The following PIAS1 variants were observed in gnomAD, a reference collection of about 807,000 sequenced individuals.
The protein encoded by PIAS1 is protein inhibitor of activated STAT 1, also known as E3 SUMO-protein ligase PIAS1.
A neutral mutation model predicts 71.3 loss-of-function variants in PIAS1; 6 were observed. That is an observed-to-expected ratio of 0.08 (90% CI 0.05 to 0.17). PIAS1 has a LOEUF of 0.17. Among genes scored for constraint, PIAS1 ranks in the 10% least tolerant of loss-of-function variants. The probability of loss-of-function intolerance (pLI) is 1.00; values close to 1 mark genes in which losing one functional copy is unlikely to be tolerated. For missense variants in PIAS1, 555 were observed against 793.6 expected (o/e 0.70, Z 3.61); for synonymous variants, 303 against 292.9 (o/e 1.03, Z -0.35).
intron 2 of PIAS1, among the ~76,000 whole-genome samples, chr15:68,097,070 A>G (rs2092381944): frequency 6.6e-6 from 1 of 152,266 alleles, no homozygotes; most frequent in African/African-American, 2.4e-5. Context: ...TTATGTTGAG[A>G]TAGTTTCCTT....
At position 68,078,809 on chromosome 15, in the gene PIAS1, T is replaced by G. The variant is rs192642149; in HGVS notation, c.25-7497T>G. On this transcript the variant is annotated intron_variant, in intron 1 of 13. Coordinates refer to ENST00000249636, the MANE Select transcript of PIAS1 (RefSeq NM_016166.3). ...TATAATTAGTATGTTACTGGTACAT[T>G]ATAAGTATTTAATACATATTATGTT... 2.3e-3 allele frequency among the ~76,000 whole-genome samples: 353 copies of G among 152,348 alleles called. 2 individuals are homozygous for G. The highest frequency in any genetic ancestry group is 0.013 in the South Asian group (64 of 4,828).
chr15:68,075,447 A>T (rs771329243), intron 1 of PIAS1, among the ~76,000 whole-genome samples: 7 of 152,198 alleles, frequency 4.6e-5, no homozygotes, highest in Admixed American at 1.3e-4. Flanking sequence ...ACTTTAAATC[A>T]TAAAACTTAA....
At chr15:68,120,272 A>C (rs956625333) in intron 2 of PIAS1, among the ~76,000 whole-genome samples, 1 of 152,016 alleles carries the variant, frequency 6.6e-6, no homozygotes, top group African/African-American at 2.4e-5. Context: ...CATATCTGCC[A>C]GTCTGATAAT....
intron 2 of PIAS1, among the ~76,000 whole-genome samples, chr15:68,098,165 T>G (rs2092392650): frequency 1.3e-5 from 2 of 152,190 alleles, no homozygotes; most frequent in African/African-American, 4.8e-5. Flanking sequence ...ACATGTAACT[T>G]TTGACTCCTC....
intron 6 of PIAS1, 34 bp from the exon 7 acceptor site, chr15:68,153,556 A>C (rs768632430): frequency 1.6e-5 from 15 of 941,564 alleles, no homozygotes; most frequent in Non-Finnish European, 2.4e-5. Context: ...TTACTTACAT[A>C]TGTTGTTTGT....
intron 2 of PIAS1, among the ~76,000 whole-genome samples, chr15:68,088,198 A>ATATATATATATATATC (rs1567035777): frequency 1.4e-5 from 2 of 143,418 alleles, no homozygotes; most frequent in South Asian, 2.2e-4. Context: ...ATATATATAT[A>ATATATATATATATATC]TATCCCATTT....
rs547827913 is a variant in PIAS1, at chr15:68,073,085, G to A, written c.25-13221G>A. 3.8e-3 allele frequency among the ~76,000 whole-genome samples: 576 copies of A among 152,052 alleles called. 3 individuals are homozygous for A. Among genetic ancestry groups the A allele is most frequent in the African/African-American group, 0.012 (495 of 41,478 alleles). ...GGCTGGAGTGCAGTGGCGCAATCTC[G>A]GCCCACTGCAACCTCCGCCTCCTGG... On this transcript the variant is annotated intron_variant, in intron 1 of 13. Coordinates refer to ENST00000249636, the MANE Select transcript of PIAS1 (RefSeq NM_016166.3).
chr15:68,181,232 A>C lies in PIAS1; in HGVS notation c.1502A>C (p.Gln501Pro). Reference sequence around the variant, plus strand: ...TCCAGCATTTTAAGTCTTCCACATCAAGCATCTCCAGTATCCCGCACCCCA... The same window carrying C: ...TCCAGCATTTTAAGTCTTCCACATCCAGCATCTCCAGTATCCCGCACCCCA... Reference protein sequence around the residue: ...NNKGILSLPHQASPVSRTPSL... With the variant: ...NNKGILSLPHPASPVSRTPSL... The change falls in exon 12 of 14, where the codon CAA (glutamine) becomes CCA (proline). Residue 501 changes from glutamine (Q) to proline (P), a missense_variant. Physicochemically the swap from Gln to Pro is moderately conservative, Grantham distance 76. Around this residue, in one of 5 missense-constraint regions of PIAS1, gnomAD observed 244 missense variants for 307.5 expected, o/e 0.79. Coordinates refer to ENST00000249636, the MANE Select transcript of PIAS1 (RefSeq NM_016166.3). 1.9e-6 allele frequency: 3 copies of C among 1,613,244 alleles called. No homozygotes were observed. The highest frequency in any genetic ancestry group is 2.5e-6 in the Non-Finnish European group (3 of 1,179,520).
Position 68,142,016 on chromosome 15 carries a change from A to G in PIAS1, c.540A>G (p.Gln180=), listed in dbSNP as rs2092774039. 1.9e-6 allele frequency: 3 copies of G among 1,600,528 alleles called. No individual in the cohort carries two copies. Among genetic ancestry groups the G allele is most frequent in the Non-Finnish European group, 2.6e-6 (3 of 1,172,094 alleles). ...CCTTGACACCACAACAAGTGCAGCA[A>G]ATCAGTAGTTCCATGTAAGTTGTCG... ...AFALTPQQVQ[Q]ISSSMDISGT... The change falls in exon 3 of 14, where the codon CAA becomes CAG. Residue 180 remains glutamine (Q), a synonymous_variant. Coordinates refer to ENST00000249636, the MANE Select transcript of PIAS1 (RefSeq NM_016166.3).
At chr15:68,157,533 G>C (rs80098024) in intron 7 of PIAS1, among the ~76,000 whole-genome samples, 207 of 152,242 alleles carry the variant, frequency 1.4e-3, no homozygotes, top group African/African-American at 4.8e-3. Flanking sequence ...ATGATGATCT[G>C]ATTGCTAAAT....
Position 68,101,190 on chromosome 15 carries a change from G to A in PIAS1, c.469+14440G>A, listed in dbSNP as rs148559376. ...GCTAGGATTACAGGTGTGAGCCACC[G>A]TGGCTGGCCTTCATGGTGGTTTTAG... On this transcript the variant is annotated intron_variant, in intron 2 of 13. Coordinates refer to ENST00000249636, the MANE Select transcript of PIAS1 (RefSeq NM_016166.3). 2.4e-3 allele frequency among the ~76,000 whole-genome samples: 362 copies of A among 152,242 alleles called. 2 individuals carry two copies. The highest frequency in any genetic ancestry group is 8.3e-3 in the African/African-American group (346 of 41,548).
chr15:68,112,301 C>G (rs1179802533), intron 2 of PIAS1, among the ~76,000 whole-genome samples: 1 of 152,076 alleles, frequency 6.6e-6, no homozygotes, highest in South Asian at 2.1e-4. Flanking sequence ...GCTCAGTCCC[C>G]CATCTTAAAA....
intron 2 of PIAS1, among the ~76,000 whole-genome samples, chr15:68,108,811 A>G (rs1446914017): frequency 1.3e-5 from 2 of 152,090 alleles, no homozygotes; most frequent in African/African-American, 4.8e-5. Context: ...AGGATGTTTT[A>G]TTGGCTCCAC....
At chr15:68,081,857 A>G (rs1306339666) in intron 1 of PIAS1, among the ~76,000 whole-genome samples, 3 of 152,056 alleles carry the variant, frequency 2.0e-5, no homozygotes, top group Non-Finnish European at 4.4e-5. Flanking sequence ...ACTGAAGGGG[A>G]CATACATCTC....
At chr15:68,151,030 GA>G (rs1393850613) in intron 6 of PIAS1, among the ~76,000 whole-genome samples, 2 of 151,446 alleles carry the variant, frequency 1.3e-5, no homozygotes, top group African/African-American at 4.9e-5. Flanking sequence ...TAAGACTTTT[GA>G]AAAAGCAATA....
chr15:68,175,875 C>T (rs1222931801), intron 10 of PIAS1, 108 bp downstream of exon 10: 1 of 602,788 alleles, frequency 1.7e-6, no homozygotes, highest in African/African-American at 1.9e-5. Context: ...TTGTGGATAG[C>T]TTAATAATTC....
intron 7 of PIAS1, among the ~76,000 whole-genome samples, chr15:68,160,312 A>AT (rs1328712052): frequency 1.3e-5 from 2 of 152,168 alleles, no homozygotes; most frequent in East Asian, 1.9e-4. Flanking sequence ...GTAGAGATTC[A>AT]TTTTTTCCCC....
intron 2 of PIAS1, among the ~76,000 whole-genome samples, chr15:68,116,174 TA>T (rs1415612644): frequency 6.6e-6 from 1 of 151,988 alleles, no homozygotes; most frequent in African/African-American, 2.4e-5. Flanking sequence ...GTAGGGTTGG[TA>T]TTATTTTTTT....
intron 2 of PIAS1, among the ~76,000 whole-genome samples, chr15:68,110,347 C>A (rs1196792759): frequency 6.6e-6 from 1 of 152,102 alleles, no homozygotes; most frequent in East Asian, 1.9e-4. Context: ...GTAATCCCAG[C>A]ACTTTGGGAG....
Sources: allele counts gnomAD v4.1 joint callset (sites outside exome capture counted in the v4.1 genomes callset), GRCh38; gene constraint gnomAD v4.1.1; regional missense constraint gnomAD v4.1.1; transcripts MANE v1.5; gene names NCBI Gene and HGNC (gene_info 2026-07-23, HGNC 2026-07-21).